MPHOSPH10: variants seen among roughly 807,000 people sequenced by gnomAD.
MPHOSPH10 encodes M-phase phosphoprotein 10.
A neutral mutation model predicts 77.3 loss-of-function variants in MPHOSPH10; 33 were observed. The ratio of observed to expected loss-of-function variants is 0.43; its 90% confidence interval spans 0.32 to 0.57. The LOEUF (loss-of-function observed/expected upper bound fraction) is 0.57. Among genes scored for constraint, MPHOSPH10 ranks in the 20% least tolerant of loss-of-function variants. The pLI is 0.07. For synonymous variants in MPHOSPH10, 245 were observed against 268.0 expected (o/e 0.91, Z 0.84); for missense variants, 708 against 780.1 (o/e 0.91, Z 1.10).
rs971428722 is a variant in MPHOSPH10, at chr2:71,146,569, C to A, written c.1558-1430C>A. ...GCCAGGCTGGTCTCAAACTCCTGAC[C>A]TCAAATGATCTGCCCACCTTGGCCT... On this transcript the variant is annotated intron_variant, in intron 8 of 10. Transcript: ENST00000244230. Among the ~76,000 whole-genome samples, 3 of 152,238 alleles carry A rather than the reference C, an allele frequency of 2.0e-5. No individual in the cohort carries two copies. In the East Asian group the frequency reaches 5.8e-4, roughly 29 times the overall value.
intron 7 of MPHOSPH10, among the ~76,000 whole-genome samples, chr2:71,143,766 T>C (rs1339340596): frequency 1.3e-5 from 2 of 152,248 alleles, no homozygotes; most frequent in African/African-American, 4.8e-5. Flanking sequence ...TTTTCAAGAC[T>C]GGCATTTGTC....
intron 9 of MPHOSPH10, 188 bp from the exon 10 acceptor site, chr2:71,149,035 G>A: frequency 1.6e-6 from 1 of 615,616 alleles, no homozygotes. Context: ...GTCAAAGAAT[G>A]CATTTCAGGT....
At chr2:71,141,496 G>A (rs1357614506) in intron 7 of MPHOSPH10, 127 bp downstream of exon 7, 2 of 725,138 alleles carry the variant, frequency 2.8e-6, no homozygotes, top group Non-Finnish European at 4.1e-6. Context: ...GTAAGTATGA[G>A]ACAGAGCATG....
At chr2:71,145,509 G>T (rs897760356) in intron 8 of MPHOSPH10, among the ~76,000 whole-genome samples, 5 of 147,932 alleles carry the variant, frequency 3.4e-5, no homozygotes, top group East Asian at 2.0e-4. Context: ...TGTTTGTTTG[G>T]TTTTTTTTTT....
intron 3 of MPHOSPH10, 90 bp downstream of exon 3, chr2:71,134,195 C>A: frequency 7.7e-7 from 1 of 1,300,706 alleles, no homozygotes; most frequent in Non-Finnish European, 1.0e-6. Flanking sequence ...TTTGTCTTAG[C>A]AAGTTCTATT....
rs116207534 is a variant in MPHOSPH10 at position 71,145,422 on chromosome 2, G to C, written c.1557+884G>C. 8.1e-3 allele frequency among the ~76,000 whole-genome samples: 1,232 copies of C among 152,014 alleles called. 14 individuals are homozygous for C. Among genetic ancestry groups the C allele is most frequent in the African/African-American group, 0.029 (1,185 of 41,464 alleles). ...TAATCTCCAAGATCCTTTATTATTA[G>C]TTGATGGCTAGGTGATTCCCATGCA... On this transcript the variant is annotated intron_variant, in intron 8 of 10. Transcript: ENST00000244230.
At position 71,133,989 on chromosome 2, in the gene MPHOSPH10, TGATCCAG is replaced by T; in HGVS notation, c.811_817del (p.Asp271LeufsTer7). ...GAAATCTGAAATACAAAGATTTTTT[TGATCCAG>T]TTGAAAGTGATGAAGACATAACAAA... On this transcript the variant is annotated frameshift_variant, in exon 3 of 11. Transcript: ENST00000244230. LOFTEE classifies it high-confidence loss of function. 6.3e-7 allele frequency: 1 copy of T among 1,591,328 alleles called. No homozygotes were observed. Among genetic ancestry groups the T allele is most frequent in the African/African-American group, 1.3e-5 (1 of 74,284 alleles).
At chr2:71,137,656 CAAAAAAAAAA>C (rs60072810) in intron 4 of MPHOSPH10, among the ~76,000 whole-genome samples, 1 of 46,358 alleles carries the variant, frequency 2.2e-5, no homozygotes, top group Non-Finnish European at 4.8e-5. Flanking sequence ...GAGACTGTCT[CAAAAAAAAAA>C]AAAAAAAAAA....
rs1211095410 is a variant in MPHOSPH10, at chr2:71,134,042, A to G, written c.863A>G (p.Asp288Gly). ...ACAAATGTTCATGATGATGAGCTGG[A>G]TTCAAACAAAGAAGATGATGAAATT... ...DITNVHDDEL[D>G]SNKEDDEIAE... The change falls in exon 3 of 11, where the codon GAT (aspartate) becomes GGT (glycine). Residue 288 changes from aspartate to glycine, a missense_variant. By Grantham distance (94) the Asp-to-Gly change is moderately conservative. Around this residue, in one of 3 missense-constraint regions of MPHOSPH10, gnomAD observed 433 missense variants for 432.6 expected, o/e 1.00. Coordinates refer to ENST00000244230, the MANE Select transcript of MPHOSPH10 (RefSeq NM_005791.3). The G allele has an allele frequency of 1.2e-6, 2 of 1,609,986 alleles. No individual in the cohort carries two copies. The highest frequency in any genetic ancestry group is 1.7e-6 in the Non-Finnish European group (2 of 1,177,956).
intron 4 of MPHOSPH10, among the ~76,000 whole-genome samples, chr2:71,137,166 C>T (rs1265756997): frequency 6.6e-6 from 1 of 151,790 alleles, no homozygotes; most frequent in African/African-American, 2.4e-5. Flanking sequence ...ATATTCATTT[C>T]TAATTTTTTT....
At chr2:71,136,364 A>G (rs1673489220) in intron 4 of MPHOSPH10, among the ~76,000 whole-genome samples, 2 of 152,190 alleles carry the variant, frequency 1.3e-5, no homozygotes, top group Non-Finnish European at 2.9e-5. Context: ...AGATTAAAAA[A>G]GTTAGCTGGG....
chr2:71,142,742 C>T (rs578125471), intron 7 of MPHOSPH10, among the ~76,000 whole-genome samples: 1 of 152,260 alleles, frequency 6.6e-6, no homozygotes, highest in South Asian at 2.1e-4. Context: ...AAATAGTAAG[C>T]AGTAGTAGCG....
At chr2:71,144,647 T>C in intron 8 of MPHOSPH10, 109 bp downstream of exon 8, 2 of 821,598 alleles carry the variant, frequency 2.4e-6, no homozygotes, top group South Asian at 3.5e-5. Flanking sequence ...ACTTGTAGTT[T>C]GCTGTAAATT....
chr2:71,149,696 A>G (rs1673785645), intron 10 of MPHOSPH10, among the ~76,000 whole-genome samples, 170 bp from the exon 11 acceptor site: 1 of 152,216 alleles, frequency 6.6e-6, no homozygotes, highest in Admixed American at 6.5e-5. Flanking sequence ...TTATAAGAAC[A>G]TTGTAGCAGT....
chr2:71,134,468 A>G (rs1673448432), intron 3 of MPHOSPH10, among the ~76,000 whole-genome samples, 158 bp from the exon 4 acceptor site: 1 of 152,144 alleles, frequency 6.6e-6, no homozygotes, highest in African/African-American at 2.4e-5. Context: ...CCTAAATAAT[A>G]CCTTTTGTTC....
chr2:71,136,302 C>T (rs1401995312), intron 4 of MPHOSPH10, among the ~76,000 whole-genome samples: 1 of 151,990 alleles, frequency 6.6e-6, no homozygotes, highest in Non-Finnish European at 1.5e-5. Context: ...TGTTTGGAGC[C>T]CAGGAATTCG....
intron 9 of MPHOSPH10, chr2:71,148,922 G>T: frequency 2.7e-6 from 1 of 370,094 alleles, no homozygotes; most frequent in Non-Finnish European, 4.9e-6. Context: ...ATGCTGTGGA[G>T]GGCTGGCTCC....
intron 8 of MPHOSPH10, among the ~76,000 whole-genome samples, chr2:71,145,905 C>A (rs1166062167): frequency 2.0e-5 from 3 of 152,316 alleles, no homozygotes; most frequent in African/African-American, 7.2e-5. Flanking sequence ...GACGCCTTTC[C>A]CTCCTTGCAG....
At chr2:71,134,977 G>C (rs1286148351) in intron 4 of MPHOSPH10, among the ~76,000 whole-genome samples, 180 bp downstream of exon 4, 1 of 152,160 alleles carries the variant, frequency 6.6e-6, no homozygotes, top group Non-Finnish European at 1.5e-5. Flanking sequence ...AACCAGCCTA[G>C]GCAACATAGT....
Sources: gnomAD v4.1 joint callset for allele counts (sites outside exome capture counted in the v4.1 genomes callset) on GRCh38, gnomAD v4.1.1 for gene constraint, gnomAD v4.1.1 regional missense constraint, MANE v1.5 for transcripts, NCBI Gene and HGNC (gene_info 2026-07-23, HGNC 2026-07-21) for gene names.